SLC30A8: variants seen among roughly 807,000 people sequenced by gnomAD.
The protein encoded by SLC30A8 is proton-coupled zinc antiporter SLC30A8.
SLC30A8 carries 27 observed loss-of-function variants against 36.9 expected under a neutral mutation model. The observed-to-expected ratio is 0.73, with a 90% CI of 0.54 to 1.01. The LOEUF (loss-of-function observed/expected upper bound fraction) is 1.01. SLC30A8 is among the 50% of genes least tolerant of loss of function. The pLI, the probability that SLC30A8 is intolerant of heterozygous loss-of-function variation, is 0.00. For missense variants in SLC30A8, 439 were observed against 452.0 expected (o/e 0.97, Z 0.26); for synonymous variants, 164 against 172.4 (o/e 0.95, Z 0.38).
At chr8:117,146,523 T>C (rs1821900539) in intron 1 of SLC30A8, among the ~76,000 whole-genome samples, 1 of 152,182 alleles carries the variant, frequency 6.6e-6, no homozygotes, top group Non-Finnish European at 1.5e-5. Flanking sequence ...CTGTCAATGA[T>C]GTTGATGTGT....
At chr8:117,132,306 G>GT, upstream of SLC30A8, among the ~76,000 whole-genome samples, 1 of 152,000 alleles carries the variant, frequency 6.6e-6, no homozygotes, top group Non-Finnish European at 1.5e-5. Flanking sequence ...ATTAGCTACT[G>GT]TTTGTAACAC....
At chr8:116,959,911 C>A (rs1814358841) in intron 1 of SLC30A8, among the ~76,000 whole-genome samples, 1 of 152,198 alleles carries the variant, frequency 6.6e-6, no homozygotes, top group Admixed American at 6.5e-5. Context: ...CCCTGAAGAT[C>A]TTGAGTCTCT....
At chr8:116,998,358 C>T (rs1815891308) in intron 1 of SLC30A8, among the ~76,000 whole-genome samples, 3 of 152,150 alleles carry the variant, frequency 2.0e-5, no homozygotes, top group Admixed American at 2.0e-4. Context: ...CTACAGGAGA[C>T]AGAAGTCCCT....
At chr8:116,984,742 A>G (rs73312239) in intron 1 of SLC30A8, among the ~76,000 whole-genome samples, 4,880 of 152,184 alleles carry the variant, frequency 0.032, 245 homozygotes, top group African/African-American at 0.11. Flanking sequence ...TAGAGTATAT[A>G]TTCTAGATAC....
chr8:117,130,768 C>T (rs189040151), upstream of SLC30A8, among the ~76,000 whole-genome samples: 1 of 151,844 alleles, frequency 6.6e-6, no homozygotes, highest in East Asian at 2.0e-4. Flanking sequence ...GAAATAACAA[C>T]CATATCTCAC....
chr8:116,985,900 T>C (rs145780680), intron 1 of SLC30A8, among the ~76,000 whole-genome samples: 5 of 152,304 alleles, frequency 3.3e-5, no homozygotes, highest in African/African-American at 1.2e-4. Flanking sequence ...TTATTTTTTA[T>C]CCTGTAAAAT....
chr8:117,088,740 G>A (rs940699684), intron 2 of SLC30A8, among the ~76,000 whole-genome samples: 12 of 152,190 alleles, frequency 7.9e-5, no homozygotes, highest in South Asian at 2.1e-4. Context: ...CAAGTACCCC[G>A]TGTGCACGTA....
At position 117,069,633 on chromosome 8, in the gene SLC30A8, C is replaced by G. The variant is rs182878407; in HGVS notation, c.-226+30375C>G. ...TGAATCAAGTTAACAAACTTAAATA[C>G]ATTTTATTATCTTCATCTCTTGGCA... On this transcript the variant is annotated intron_variant, in intron 2 of 10. Coordinates refer to the SLC30A8 transcript ENST00000427715. Among the ~76,000 whole-genome samples, 10 of 152,308 alleles carry G rather than the reference C, an allele frequency of 6.6e-5. No homozygotes were observed. In the East Asian group the frequency reaches 1.9e-3, roughly 29 times the overall value.
intron 7 of SLC30A8, among the ~76,000 whole-genome samples, chr8:117,171,594 T>A (rs754411103): frequency 3.3e-5 from 5 of 152,142 alleles, no homozygotes; most frequent in Admixed American, 2.0e-4. Flanking sequence ...CCAGCCCCAC[T>A]CTTAAATTTC....
chr8:117,130,620 T>G (rs988418650), upstream of SLC30A8, among the ~76,000 whole-genome samples: 6 of 151,998 alleles, frequency 3.9e-5, no homozygotes, highest in Non-Finnish European at 8.8e-5. Context: ...AGAAAGTATA[T>G]TTTTGTCTAC....
intron 5 of SLC30A8, among the ~76,000 whole-genome samples, chr8:117,162,475 C>A (rs1822842658): frequency 6.6e-6 from 1 of 152,082 alleles, no homozygotes; most frequent in Non-Finnish European, 1.5e-5. Context: ...GTGGGAATGA[C>A]TTCCCGGTAA....
intron 2 of SLC30A8, among the ~76,000 whole-genome samples, chr8:117,080,724 T>C (rs1026821075): frequency 4.6e-5 from 7 of 152,232 alleles, no homozygotes; most frequent in African/African-American, 1.7e-4. Flanking sequence ...ATTTTCTTCA[T>C]CCAGTCCACC....
chr8:117,032,277 ATC>A (rs1417481369), intron 1 of SLC30A8, among the ~76,000 whole-genome samples: 1 of 152,012 alleles, frequency 6.6e-6, no homozygotes, highest in Non-Finnish European at 1.5e-5. Context: ...TTTGCTTATC[ATC>A]TGTTTTCTTA....
chr8:117,103,195 A>G (rs928986178), intron 2 of SLC30A8, among the ~76,000 whole-genome samples: 3 of 152,140 alleles, frequency 2.0e-5, no homozygotes, highest in African/African-American at 7.2e-5. Flanking sequence ...ATCTATGTCT[A>G]GAATACAATG....
At chr8:117,147,479 C>T (rs915280737) in intron 2 of SLC30A8, 3 of 227,154 alleles carry the variant, frequency 1.3e-5, no homozygotes, top group African/African-American at 6.8e-5. Context: ...TCCTCAAAAA[C>T]ATTTTTATGC....
intron 2 of SLC30A8, among the ~76,000 whole-genome samples, chr8:117,072,128 A>G (rs991315655): frequency 7.2e-5 from 11 of 152,200 alleles, no homozygotes; most frequent in African/African-American, 2.7e-4. Flanking sequence ...TTTGGCACCA[A>G]ATCTATGGGT....
rs147327083 is a variant in SLC30A8 at position 117,129,801 on chromosome 8, C to T, written c.-225-5479C>T. On this transcript the variant is annotated intron_variant, in intron 2 of 10. Coordinates refer to the SLC30A8 transcript ENST00000427715. ...CTGAATGGTAAAGGGGAATATTATC[C>T]TAGGTATATAAGGCTTTTAAAAATC... is the stretch of plus-strand genomic sequence containing the variant. The T allele has an allele frequency of 9.9e-4, 150 of 151,934 alleles. 1 individual carries two copies. The highest frequency in any genetic ancestry group is 4.3e-3 in the Admixed American group (66 of 15,248). 9.4% of individuals were successfully genotyped at this position (151,934 alleles called of 1,614,324 possible). A position where few individuals can be genotyped will look rare whatever the true frequency, so the allele number is the denominator to read the frequency against.
intron 2 of SLC30A8, among the ~76,000 whole-genome samples, chr8:117,149,798 C>T (rs968969678): frequency 6.6e-6 from 1 of 152,142 alleles, no homozygotes; most frequent in South Asian, 2.1e-4. Context: ...ATTTTACAAT[C>T]GTTTGTTTCC....
chr8:116,960,349 CAGA>C (rs1400956562), intron 1 of SLC30A8, among the ~76,000 whole-genome samples: 1 of 152,102 alleles, frequency 6.6e-6, no homozygotes, highest in Non-Finnish European at 1.5e-5. Context: ...TTAATATTAA[CAGA>C]AGAAGATAGA....
Sources: gnomAD v4.1 joint callset for allele counts (sites outside exome capture counted in the v4.1 genomes callset) on GRCh38, gnomAD v4.1.1 for gene constraint, MANE v1.5 for transcripts, NCBI Gene and HGNC (gene_info 2026-07-23, HGNC 2026-07-21) for gene names.